ADARB2: variants seen among roughly 807,000 people sequenced by gnomAD.
ADARB2 encodes the protein inactive double-stranded RNA-specific editase B2.
In ADARB2, 25 loss-of-function variants were observed where a neutral mutation model predicts 62.2. That is an observed-to-expected ratio of 0.40 (90% CI 0.29 to 0.56). The LOEUF is 0.56. Ranked by LOEUF, ADARB2 falls within the 20% of genes least tolerant of loss-of-function variation. The pLI, the probability that ADARB2 is intolerant of heterozygous loss-of-function variation, is 0.43. For synonymous variants in ADARB2, 572 were observed against 500.8 expected, an observed-to-expected ratio of 1.14 and a Z score of -1.90; for missense variants, 1,071 against 1,077.4, an observed-to-expected ratio of 0.99 and a Z score of 0.08.
chr10:1,253,473 G>A (rs1439987085), intron 4 of ADARB2, among the ~76,000 whole-genome samples: 1 of 152,174 alleles, frequency 6.6e-6, no homozygotes, highest in East Asian at 1.9e-4. Context: ...ATGAGCACTC[G>A]CTTGCTTTAA....
chr10:1,327,886 C>T (rs1435044672), intron 3 of ADARB2, among the ~76,000 whole-genome samples: 12 of 149,574 alleles, frequency 8.0e-5, no homozygotes, highest in African/African-American at 2.9e-4. Context: ...CTCAGCGCCT[C>T]CTCACAGCTC....
chr10:1,658,420 C>A (rs894253115), intron 1 of ADARB2, among the ~76,000 whole-genome samples: 3 of 151,986 alleles, frequency 2.0e-5, no homozygotes, highest in Non-Finnish European at 4.4e-5. Flanking sequence ...GATACTGTCT[C>A]TGTCTGATTC....
chr10:1,242,451 G>T, intron 4 of ADARB2, 152 bp from the exon 5 acceptor site: 4 of 1,101,982 alleles, frequency 3.6e-6, no homozygotes, highest in Non-Finnish European at 3.8e-6. Context: ...GCTTCTGTGT[G>T]CTCCAGGCTG....
rs1837126272 is a variant in ADARB2, at chr10:1,209,875, A to G, written c.1682+7076T>C. ...CAGATGATGTGTAAGGAAATGTGACAAAAGGTTTCTCCACAATGTTTTACG... is the reference window on the plus strand; with the variant it reads ...CAGATGATGTGTAAGGAAATGTGACGAAAGGTTTCTCCACAATGTTTTACG... On this transcript the variant is annotated intron_variant, in intron 7 of 9. Coordinates refer to ENST00000381312, the MANE Select transcript of ADARB2 (RefSeq NM_018702.4). Among the ~76,000 whole-genome samples, 4 of 152,374 alleles carry G rather than the reference A, an allele frequency of 2.6e-5. No homozygotes were observed. The South Asian group carries it at 8.3e-4, about 32-fold the overall frequency.
intron 4 of ADARB2, among the ~76,000 whole-genome samples, chr10:1,250,001 T>C (rs574838815): frequency 7.5e-4 from 109 of 145,198 alleles, no homozygotes; most frequent in Admixed American, 5.7e-4. Context: ...GGAATAAGTT[T>C]AACGAGAAAT....
intron 8 of ADARB2, among the ~76,000 whole-genome samples, chr10:1,192,442 A>C (rs1394750647): frequency 1.3e-5 from 2 of 152,172 alleles, no homozygotes; most frequent in African/African-American, 4.8e-5. Context: ...GGACTTATGG[A>C]TTTGGGGTAA....
intron 1 of ADARB2, among the ~76,000 whole-genome samples, chr10:1,487,509 C>T (rs994597484): frequency 6.6e-6 from 1 of 152,154 alleles, no homozygotes; most frequent in African/African-American, 2.4e-5. Flanking sequence ...CTGACCTGCT[C>T]CCGGCCCTGG....
chr10:1,613,886 C>A (rs1833600082), intron 1 of ADARB2, among the ~76,000 whole-genome samples: 2 of 152,180 alleles, frequency 1.3e-5, no homozygotes, highest in Non-Finnish European at 2.9e-5. Flanking sequence ...GTTTATTTCT[C>A]CAGGCTTTCC....
At chr10:1,443,677 G>A (rs1365007439) in intron 1 of ADARB2, among the ~76,000 whole-genome samples, 1 of 151,966 alleles carries the variant, frequency 6.6e-6, no homozygotes, top group African/African-American at 2.4e-5. Flanking sequence ...AGCTGATTTC[G>A]CAGCTAATTC....
chr10:1,622,857 C>T (rs1424118615), intron 1 of ADARB2, among the ~76,000 whole-genome samples: 2 of 152,162 alleles, frequency 1.3e-5, no homozygotes, highest in Admixed American at 6.5e-5. Flanking sequence ...AACACGTCCA[C>T]GCAAAGGCAT....
chr10:1,254,948 T>C (rs1831067533), intron 4 of ADARB2, among the ~76,000 whole-genome samples: 1 of 152,260 alleles, frequency 6.6e-6, no homozygotes, highest in African/African-American at 2.4e-5. Context: ...TCTGTCCAAC[T>C]GTGTGAACAC....
intron 4 of ADARB2, among the ~76,000 whole-genome samples, chr10:1,258,253 A>G (rs1011107841): frequency 5.9e-5 from 9 of 152,204 alleles, no homozygotes; most frequent in African/African-American, 2.2e-4. Flanking sequence ...GCATCAACTA[A>G]TGAGCAAAAT....
intron 8 of ADARB2, among the ~76,000 whole-genome samples, chr10:1,189,439 C>T (rs149818862): frequency 8.8e-4 from 134 of 152,128 alleles, no homozygotes; most frequent in South Asian, 1.9e-3. Flanking sequence ...GCATTGCTAG[C>T]GGTAGTTGTG....
chr10:1,663,345 G>A (rs1441764485), intron 1 of ADARB2, among the ~76,000 whole-genome samples: 2 of 152,170 alleles, frequency 1.3e-5, no homozygotes, highest in African/African-American at 4.8e-5. Flanking sequence ...GCGGCTCTGA[G>A]AATTGCGACA....
At chr10:1,436,219 C>T (rs1830834931) in intron 1 of ADARB2, among the ~76,000 whole-genome samples, 1 of 152,148 alleles carries the variant, frequency 6.6e-6, no homozygotes, top group Non-Finnish European at 1.5e-5. Flanking sequence ...TCTTCAGAAG[C>T]CACTTGGATT....
At chr10:1,626,879 A>G (rs1833777069) in intron 1 of ADARB2, among the ~76,000 whole-genome samples, 1 of 152,218 alleles carries the variant, frequency 6.6e-6, no homozygotes, top group African/African-American at 2.4e-5. Context: ...ATAAACATGT[A>G]TCGGTTTCTG....
intron 1 of ADARB2, among the ~76,000 whole-genome samples, chr10:1,688,703 G>A (rs1164190789): frequency 6.6e-6 from 1 of 152,080 alleles, no homozygotes; most frequent in Non-Finnish European, 1.5e-5. Context: ...CTCATTAAAC[G>A]TAAAGGGAAC....
intron 3 of ADARB2, among the ~76,000 whole-genome samples, chr10:1,333,853 G>A (rs1053746747): frequency 3.9e-5 from 6 of 152,148 alleles, no homozygotes; most frequent in Non-Finnish European, 5.9e-5. Context: ...GGACAAAAAG[G>A]CAGCCCAAAC....
intron 3 of ADARB2, among the ~76,000 whole-genome samples, chr10:1,338,864 G>A (rs1831997382): frequency 6.6e-6 from 1 of 152,162 alleles, no homozygotes; most frequent in Non-Finnish European, 1.5e-5. Context: ...GGGCTGGAGG[G>A]CAGGGTGGCT....
Sources: gnomAD v4.1 joint callset for allele counts (sites outside exome capture counted in the v4.1 genomes callset) on GRCh38, gnomAD v4.1.1 for gene constraint, MANE v1.5 for transcripts, NCBI Gene and HGNC (gene_info 2026-07-23, HGNC 2026-07-21) for gene names.